The following IL20RA variants were observed in gnomAD, a reference collection of about 807,000 sequenced individuals.
IL20RA encodes interleukin 20 receptor subunit alpha, also known as interleukin-20 receptor subunit alpha.
A neutral mutation model predicts 36.5 loss-of-function variants in IL20RA; 29 were observed. The observed-to-expected ratio is 0.79, with a 90% CI of 0.59 to 1.08. IL20RA has a LOEUF of 1.08. Ranked by LOEUF, IL20RA falls within the 50% of genes least tolerant of loss-of-function variation. IL20RA has a pLI of 0.00. For missense variants in IL20RA, 652 were observed against 668.4 expected (o/e 0.98, Z 0.27); for synonymous variants, 279 against 267.1 (o/e 1.04, Z -0.43).
intron 1 of IL20RA, among the ~76,000 whole-genome samples, chr6:137,033,374 A>C (rs1236594977): frequency 6.6e-6 from 1 of 152,252 alleles, no homozygotes; most frequent in Non-Finnish European, 1.5e-5. Context: ...CCCAAATCTC[A>C]TGTTGAAGTA....
rs1776838755 is a variant in IL20RA, at chr6:137,044,674, G to T, written c.55C>A (p.Leu19Met). The T allele has an allele frequency of 1.6e-6, 2 of 1,224,430 alleles. No homozygotes were observed. Among genetic ancestry groups the T allele is most frequent in the Non-Finnish European group, 2.0e-6 (2 of 983,440 alleles). The allele number at this position is 1,224,430 out of a possible 1,614,324, so 75.8% of individuals were successfully genotyped here. ...LRPLPLPPLL[L>M]LLLAAPWGRA... ...CCCCAAGGCGCCGCCAGGAGCAACA[G>T]CAGCAGCGGCGGCAGCGGCAGCGGC... The change falls in exon 1 of 7, where the codon CTG (leucine) becomes ATG (methionine). Residue 19 changes from leucine to methionine, a missense_variant. Coordinates refer to ENST00000316649, the MANE Select transcript of IL20RA (RefSeq NM_014432.4).
intron 1 of IL20RA, among the ~76,000 whole-genome samples, chr6:137,037,599 C>T (rs1182606191): frequency 6.6e-6 from 1 of 152,130 alleles, no homozygotes; most frequent in Non-Finnish European, 1.5e-5. Context: ...CATCAGGAAC[C>T]TGATGCTGAA....
At chr6:137,032,505 C>T (rs571047841) in intron 1 of IL20RA, among the ~76,000 whole-genome samples, 3 of 152,190 alleles carry the variant, frequency 2.0e-5, no homozygotes, top group African/African-American at 7.2e-5. Context: ...TCTGATTTCC[C>T]GATTGCTATT....
At chr6:137,044,376 T>A in intron 1 of IL20RA, 53 of 896,458 alleles carry the variant, frequency 5.9e-5, no homozygotes, top group East Asian at 3.8e-4. Flanking sequence ...CCACCCCACC[T>A]CAATTCTCGA....
intron 3 of IL20RA, among the ~76,000 whole-genome samples, chr6:137,010,810 A>G (rs1775466815): frequency 6.6e-6 from 1 of 152,280 alleles, no homozygotes; most frequent in Middle Eastern, 3.4e-3. Flanking sequence ...AAATAAAGTC[A>G]TTTTGTTCCT....
chr6:137,042,962 A>C (rs1776756263), intron 1 of IL20RA: 1 of 152,252 alleles, frequency 6.6e-6, no homozygotes, highest in African/African-American at 2.4e-5. Context: ...GAATACCCTA[A>C]GAAGAGCTAA....
intron 2 of IL20RA, among the ~76,000 whole-genome samples, chr6:137,013,954 G>A (rs968042313): frequency 2.0e-5 from 3 of 152,194 alleles, no homozygotes; most frequent in African/African-American, 4.8e-5. Flanking sequence ...CTGCTCACAC[G>A]AAGCAGTGAT....
At chr6:137,033,499 G>A (rs1329861792) in intron 1 of IL20RA, among the ~76,000 whole-genome samples, 4 of 152,188 alleles carry the variant, frequency 2.6e-5, no homozygotes, top group Non-Finnish European at 5.9e-5. Context: ...AGCACCACCC[G>A]CTTGGTGCTG....
rs781508607 is a variant in IL20RA at position 137,008,712 on chromosome 6, A to G, written c.611T>C (p.Val204Ala). The change falls in exon 5 of 7, where the codon GTG becomes GCG. Residue 204 changes from valine (V) to alanine (A), a missense_variant. Val to Ala is a moderately conservative substitution (Grantham distance 64, BLOSUM62 0). Coordinates refer to ENST00000316649, the MANE Select transcript of IL20RA (RefSeq NM_014432.4). ...WSQCVTNHTLVLTWLEPNTLY... is the reference protein window; with the variant it reads ...WSQCVTNHTLALTWLEPNTLY... ...AGTGTTCGGCTCCAGCCAGGTGAGC[A>G]CCAGCGTGTGGTTGGTCACACACTG... The G allele has an allele frequency of 5.6e-6, 9 of 1,605,616 alleles. No individual in the cohort carries two copies. Among genetic ancestry groups the G allele is most frequent in the Non-Finnish European group, 7.7e-6 (9 of 1,176,110 alleles).
In IL20RA at chr6:137,008,742, C is replaced by A; in HGVS notation, c.581G>T (p.Trp194Leu). 6.3e-7 allele frequency: 1 copy of A among 1,589,406 alleles called. No individual in the cohort carries two copies. Among genetic ancestry groups the A allele is most frequent in the Non-Finnish European group, 8.6e-7 (1 of 1,168,646 alleles). ...CGTGTGGTTGGTCACACACTGGGAC[C>A]ACTAGGATAGGGAATTGCAAACATT... ...SVLNTKSNRT[W>L]SQCVTNHTLV... Residue 194 changes from tryptophan (W) to leucine (L), a missense_variant and splice_region_variant, in exon 5 of 7, where the codon TGG (tryptophan) becomes TTG (leucine). Coordinates refer to ENST00000316649, the MANE Select transcript of IL20RA (RefSeq NM_014432.4).
chr6:137,041,927 T>C (rs1193935257), intron 1 of IL20RA, among the ~76,000 whole-genome samples: 1 of 152,172 alleles, frequency 6.6e-6, no homozygotes, highest in African/African-American at 2.4e-5. Context: ...ATCTGTCATC[T>C]ACATTAGGTA....
At chr6:137,016,861 C>A in intron 2 of IL20RA, 107 bp downstream of exon 2, 1 of 1,036,358 alleles carries the variant, frequency 9.6e-7, no homozygotes, top group South Asian at 1.5e-5. Context: ...TAAAACTTTT[C>A]TCTTTTTCAA....
At chr6:137,022,869 G>A (rs1775952182) in intron 1 of IL20RA, among the ~76,000 whole-genome samples, 1 of 152,208 alleles carries the variant, frequency 6.6e-6, no homozygotes, top group East Asian at 1.9e-4. Flanking sequence ...AAATGACTGG[G>A]ACCACCAGGA....
At chr6:137,017,475 C>T (rs1285856378) in intron 1 of IL20RA, among the ~76,000 whole-genome samples, 1 of 152,160 alleles carries the variant, frequency 6.6e-6, no homozygotes, top group Non-Finnish European at 1.5e-5. Context: ...GCTGAAGCTG[C>T]ATGAGAGACC....
intron 5 of IL20RA, among the ~76,000 whole-genome samples, chr6:137,006,725 T>C (rs1775297514): frequency 1.4e-5 from 2 of 142,168 alleles, no homozygotes; most frequent in South Asian, 2.3e-4. Flanking sequence ...AATTTTTCTT[T>C]CTTTTTTTTT....
intron 1 of IL20RA, among the ~76,000 whole-genome samples, chr6:137,041,054 T>G (rs1488839101): frequency 1.3e-5 from 2 of 152,234 alleles, no homozygotes; most frequent in Non-Finnish European, 2.9e-5. Context: ...AAGTGACAAT[T>G]TATGTGGCAT....
In IL20RA at chr6:137,001,513, T is replaced by C; in HGVS notation, c.*45A>G. 1 of 1,490,722 alleles carries C rather than the reference T, an allele frequency of 6.7e-7. No homozygotes were observed. The highest frequency in any genetic ancestry group is 1.4e-5 in the South Asian group (1 of 72,066). 92.3% of individuals were successfully genotyped at this position (1,490,722 alleles called of 1,614,324 possible). On this transcript the variant is annotated 3_prime_UTR_variant, in exon 7 of 7. Coordinates refer to ENST00000316649, the MANE Select transcript of IL20RA (RefSeq NM_014432.4). ...TTATGGCTGGGATCAAAGGGGTGAC[T>C]CACTTGTTTGCACAGGAAACAAAAG...
At chr6:137,017,136 A>C (rs1775723197) in intron 1 of IL20RA, 33 bp from the exon 2 acceptor site, 1 of 1,602,200 alleles carries the variant, frequency 6.2e-7, no homozygotes, top group African/African-American at 1.3e-5. Flanking sequence ...TTGAGGTCTT[A>C]GTAGCAGAAA....
Position 137,002,237 on chromosome 6 carries a change from C to T in IL20RA, c.983G>A (p.Ser328Asn), listed in dbSNP as rs1775096818. The change falls in exon 7 of 7, where the codon AGT becomes AAT. Residue 328 changes from serine to asparagine, a missense_variant. Transcript: ENST00000316649. The part of the protein sequence containing the change: ...DDSKISHQDM[S>N]LLGKSSDVSS... ...TACATCACTGCTTTTTCCCAGTAAA[C>T]TCATATCCTGATGAGAAATTTTAGA... 6.2e-7 allele frequency: 1 copy of T among 1,614,078 alleles called. No individual in the cohort carries two copies.
Sources: gnomAD v4.1 joint callset for allele counts (sites outside exome capture counted in the v4.1 genomes callset) on GRCh38, gnomAD v4.1.1 for gene constraint, MANE v1.5 for transcripts, NCBI Gene and HGNC (gene_info 2026-07-23, HGNC 2026-07-21) for gene names.